DNAH17: variants seen among roughly 807,000 people sequenced by gnomAD.
The protein encoded by DNAH17 is dynein axonemal heavy chain 17, also known as axonemal beta dynein heavy chain 17.
In DNAH17, 376 loss-of-function variants were observed where a neutral mutation model predicts 485.6. The ratio of observed to expected loss-of-function variants is 0.77; its 90% CI spans 0.71 to 0.84. The LOEUF is 0.84. Ranked by LOEUF, DNAH17 falls within the 40% of genes least tolerant of loss-of-function variation. DNAH17 has a pLI of 0.00. For synonymous variants in DNAH17, 3,031 were observed against 2,405.9 expected, an observed-to-expected ratio of 1.26 and a Z score of -7.60; for missense variants, 6,370 against 5,839.3, an observed-to-expected ratio of 1.09 and a Z score of -2.96.
chr17:78,478,280 C>G (rs1056948101), intron 51 of DNAH17, among the ~76,000 whole-genome samples: 1 of 146,048 alleles, frequency 6.8e-6, no homozygotes, highest in African/African-American at 2.6e-5. Context: ...ACCACCATCA[C>G]CATTATCATC....
chr17:78,563,868 A>C (rs934224631), intron 11 of DNAH17, among the ~76,000 whole-genome samples: 18 of 152,374 alleles, frequency 1.2e-4, no homozygotes, highest in African/African-American at 4.1e-4. Context: ...AAACGTGAAC[A>C]GATGGCGATG....
chr17:78,443,475 A>G (rs562618318), intron 71 of DNAH17, among the ~76,000 whole-genome samples: 3 of 152,192 alleles, frequency 2.0e-5, no homozygotes, highest in Non-Finnish European at 2.9e-5. Context: ...GTCCTCTCCT[A>G]TCGGAGGAAA....
At chr17:78,426,643 C>T (rs779849192) in intron 78 of DNAH17, 43 bp from the exon 79 acceptor site, 2 of 1,556,946 alleles carry the variant, frequency 1.3e-6, no homozygotes, top group Non-Finnish European at 8.7e-7. Context: ...TGAGCTGGGG[C>T]CTGGGAGAGC....
chr17:78,543,094 C>G (rs544380448), intron 17 of DNAH17, among the ~76,000 whole-genome samples: 10 of 146,390 alleles, frequency 6.8e-5, no homozygotes, highest in South Asian at 2.2e-4. Flanking sequence ...AGATAAGGCT[C>G]GCTTGGATTA....
chr17:78,436,578 C>T (rs969270975), intron 74 of DNAH17, among the ~76,000 whole-genome samples: 2 of 151,352 alleles, frequency 1.3e-5, no homozygotes. Context: ...GGAGCACCCC[C>T]GAGGACAAGA....
chr17:78,545,084 A>C (rs997568151), intron 16 of DNAH17, among the ~76,000 whole-genome samples: 2 of 152,002 alleles, frequency 1.3e-5, no homozygotes, highest in African/African-American at 4.8e-5. Context: ...ACTCTACATC[A>C]TCAATTCAGC....
chr17:78,501,996 A>C (rs535274571), intron 33 of DNAH17, 123 bp from the exon 34 acceptor site: 1 of 1,422,078 alleles, frequency 7.0e-7, no homozygotes, highest in African/African-American at 1.4e-5. Flanking sequence ...GTAATGAAAA[A>C]CAAGAGCGCC....
chr17:78,537,187 A>AAAAG lies in DNAH17; in HGVS notation c.2859+108_2859+111dup, dbSNP rs55864205. 558,859 of 1,058,108 alleles carry AAAAG rather than the reference A, an allele frequency of 0.53. 100,033 individuals are homozygous for AAAAG. Among genetic ancestry groups the AAAAG allele is most frequent in the African/African-American group, 0.55 (32,098 of 58,766 alleles). The allele number at this position is 1,058,108 out of a possible 1,614,324, so 65.5% of individuals were successfully genotyped here. A position where few individuals can be genotyped will look rare whatever the true frequency, so the allele number is the denominator to read the frequency against. ...AGTGAGATTCCGTCTCAAAAAAAAA[A>AAAAG]AAAGAAAAAAAGAAAAGGTAAACGG... On this transcript the variant is annotated intron_variant, in intron 19 of 80. Transcript: ENST00000389840.
rs771274028 is a variant in DNAH17 at position 78,425,381 on chromosome 17, C to T, written c.13106G>A (p.Arg4369Gln). Residue 4369 changes from arginine to glutamine, a missense_variant, in exon 80 of 81, where the codon CGA (arginine) becomes CAA (glutamine). Arg to Gln is a conservative substitution (Grantham distance 43). Transcript: ENST00000389840. ...KNREDMTAPPREGSYVYGLFM... is the reference protein window; with the variant it reads ...KNREDMTAPPQEGSYVYGLFM... The stretch of plus-strand genomic sequence containing the variant: ...GAGTCCGTACACGTAGGAGCCCTCT[C>T]GCGGAGGAGCGGTCATGTCCTCTCG... The T allele has an allele frequency of 6.8e-6, 11 of 1,614,002 alleles. No individual in the cohort carries two copies. The East Asian group carries it at 8.9e-5, about 13-fold the overall frequency.
intron 25 of DNAH17, among the ~76,000 whole-genome samples, chr17:78,521,329 C>T (rs377334054): frequency 2.2e-4 from 33 of 152,116 alleles, no homozygotes; most frequent in African/African-American, 4.8e-4. Flanking sequence ...TCGCTTGAAC[C>T]GGGGAGGTGG....
chr17:78,486,086 G>A lies in DNAH17; in HGVS notation c.7149C>T (p.Phe2383=). The A allele has an allele frequency of 6.2e-7, 1 of 1,613,928 alleles. No individual in the cohort carries two copies. Among genetic ancestry groups the A allele is most frequent in the South Asian group, 1.1e-5 (1 of 91,050 alleles). ...VEFSKWWINE[F]KTIKFPSQGT... is the part of the protein sequence containing the mutation. ...CCTGCGAGGGGAACTTGATAGTCTT[G>A]AATTCGTTGATCCACCATTTACTGA... The change falls in exon 46 of 81, where the codon TTC becomes TTT. Residue 2383 remains phenylalanine, a synonymous_variant. Coordinates refer to ENST00000389840, the MANE Select transcript of DNAH17 (RefSeq NM_173628.4).
At chr17:78,454,986 C>T (rs577645802) in intron 63 of DNAH17, among the ~76,000 whole-genome samples, 8 of 152,184 alleles carry the variant, frequency 5.3e-5, no homozygotes, top group African/African-American at 9.6e-5. Flanking sequence ...CTTGGCCCAC[C>T]GTAACCTCTG....
chr17:78,450,619 A>G, intron 67 of DNAH17, 63 bp downstream of exon 67: 1 of 1,555,066 alleles, frequency 6.4e-7, no homozygotes, highest in South Asian at 1.2e-5. Flanking sequence ...GGAGGCGCCG[A>G]TCGCCCGTGG....
intron 41 of DNAH17, chr17:78,493,002 G>GCC (rs2089929348): frequency 2.8e-6 from 1 of 355,472 alleles, no homozygotes; most frequent in Non-Finnish European, 5.1e-6. Flanking sequence ...AGGCGCCCAT[G>GCC]ACCACACCCG....
intron 14 of DNAH17, among the ~76,000 whole-genome samples, chr17:78,554,907 C>T (rs1408279272): frequency 6.6e-6 from 1 of 152,094 alleles, no homozygotes; most frequent in Non-Finnish European, 1.5e-5. Flanking sequence ...CCACCAAGCC[C>T]AGGTAATTTT....
At chr17:78,551,948 G>A (rs976263667) in intron 15 of DNAH17, among the ~76,000 whole-genome samples, 3 of 149,272 alleles carry the variant, frequency 2.0e-5, no homozygotes, top group South Asian at 4.3e-4. Flanking sequence ...AGGCAACAGA[G>A]TGAGACTCTA....
chr17:78,538,302 G>T (rs1598669773), intron 18 of DNAH17, among the ~76,000 whole-genome samples: 1 of 152,142 alleles, frequency 6.6e-6, no homozygotes, highest in South Asian at 2.1e-4. Context: ...GAGTTCTGGA[G>T]GCCCCTGTGA....
At chr17:78,516,985 C>T (rs1418137105) in intron 25 of DNAH17, among the ~76,000 whole-genome samples, 1 of 152,206 alleles carries the variant, frequency 6.6e-6, no homozygotes, top group African/African-American at 2.4e-5. Flanking sequence ...TGAGTTAATT[C>T]AATTCCATTT....
At chr17:78,534,737 G>A (rs555462461) in intron 19 of DNAH17, among the ~76,000 whole-genome samples, 8 of 152,296 alleles carry the variant, frequency 5.3e-5, no homozygotes, top group African/African-American at 1.7e-4. Context: ...CATACCAGAG[G>A]CAGGTGAGAC....
Sources: gnomAD v4.1 joint callset for allele counts (sites outside exome capture counted in the v4.1 genomes callset) on GRCh38, gnomAD v4.1.1 for gene constraint, MANE v1.5 for transcripts, NCBI Gene and HGNC (gene_info 2026-07-23, HGNC 2026-07-21) for gene names.